The following PLCL2 variants were observed in gnomAD, a reference collection of about 807,000 sequenced individuals.
PLCL2 encodes inactive phospholipase C-like protein 2.
A neutral mutation model predicts 79.6 loss-of-function variants in PLCL2; 4 were observed. The ratio of observed to expected loss-of-function variants is 0.05; its 90% CI spans 0.02 to 0.11. PLCL2 has a LOEUF of 0.11. Among genes scored for constraint, PLCL2 ranks in the 10% least tolerant of loss-of-function variants. The probability of loss-of-function intolerance (pLI) is 1.00; values close to 1 mark genes in which losing one functional copy is unlikely to be tolerated. For missense variants in PLCL2, 895 were observed against 1,291.0 expected, an observed-to-expected ratio of 0.69 and a Z score of 4.70; for synonymous variants, 484 against 457.7, an observed-to-expected ratio of 1.06 and a Z score of -0.73.
At chr3:16,957,999 C>G (rs2063722660) in intron 1 of PLCL2, among the ~76,000 whole-genome samples, 1 of 152,096 alleles carries the variant, frequency 6.6e-6, no homozygotes, top group African/African-American at 2.4e-5. Flanking sequence ...CAGTCTGTGT[C>G]TTTTAATTGG....
chr3:16,934,150 GA>G (rs1374335227), intron 1 of PLCL2, among the ~76,000 whole-genome samples: 2 of 152,166 alleles, frequency 1.3e-5, no homozygotes, highest in African/African-American at 4.8e-5. Context: ...TGTGTTCTCT[GA>G]AAAGGTCATG....
intron 3 of PLCL2, among the ~76,000 whole-genome samples, chr3:17,029,984 T>C (rs2064563537): frequency 6.6e-6 from 1 of 152,192 alleles, no homozygotes; most frequent in South Asian, 2.1e-4. Flanking sequence ...TATGTATGCA[T>C]GGAGTGTGAA....
chr3:17,065,582 A>G (rs1469030395), intron 4 of PLCL2, among the ~76,000 whole-genome samples: 2 of 152,256 alleles, frequency 1.3e-5, no homozygotes, highest in Admixed American at 6.5e-5. Flanking sequence ...GCAAGGCACC[A>G]TAAACAGTCT....
At chr3:17,017,083 T>G (rs1290921909) in intron 3 of PLCL2, among the ~76,000 whole-genome samples, 2 of 152,228 alleles carry the variant, frequency 1.3e-5, no homozygotes, top group Non-Finnish European at 2.9e-5. Flanking sequence ...GCAACCTTTA[T>G]GGCACTCATA....
intron 4 of PLCL2, among the ~76,000 whole-genome samples, chr3:17,061,446 G>T (rs1036287860): frequency 6.6e-6 from 1 of 152,000 alleles, no homozygotes; most frequent in African/African-American, 2.4e-5. Context: ...ATTTAATTAT[G>T]CCATCTTGAA....
intron 1 of PLCL2, among the ~76,000 whole-genome samples, chr3:16,965,593 T>A (rs1473966243): frequency 6.6e-6 from 1 of 151,968 alleles, no homozygotes; most frequent in Non-Finnish European, 1.5e-5. Context: ...TGGCATTGAA[T>A]CTATAAATTA....
At chr3:17,041,936 G>A (rs926395443) in intron 3 of PLCL2, among the ~76,000 whole-genome samples, 4 of 151,932 alleles carry the variant, frequency 2.6e-5, no homozygotes, top group Admixed American at 6.6e-5. Context: ...AGAACAGACC[G>A]TGTCTCTTAA....
intron 1 of PLCL2, among the ~76,000 whole-genome samples, chr3:16,977,509 T>C (rs145689580): frequency 6.6e-6 from 1 of 152,312 alleles, no homozygotes; most frequent in Non-Finnish European, 1.5e-5. Context: ...ATGGAGGAGC[T>C]CAGGTCCCCC....
intron 1 of PLCL2, among the ~76,000 whole-genome samples, chr3:16,929,350 A>G (rs1283840633): frequency 6.6e-6 from 1 of 152,164 alleles, no homozygotes; most frequent in African/African-American, 2.4e-5. Context: ...TAATGACAAC[A>G]TATTTTTAAA....
intron 5 of PLCL2, chr3:17,081,131 G>A (rs1218742320): frequency 2.2e-6 from 1 of 456,018 alleles, no homozygotes; most frequent in African/African-American, 2.0e-5. Context: ...TGTGGAGCAG[G>A]TGGTATCAGT....
At chr3:16,946,953 C>CTTTTTT (rs1056023349) in intron 1 of PLCL2, among the ~76,000 whole-genome samples, 17,124 of 94,582 alleles carry the variant, frequency 0.18, 2,621 homozygotes, top group Non-Finnish European at 0.2. Context: ...AAGTTTCATT[C>CTTTTTT]TTTTTTTTTT....
At chr3:17,049,610 ATTAAC>A (rs761246700) in intron 4 of PLCL2, among the ~76,000 whole-genome samples, 4 of 152,200 alleles carry the variant, frequency 2.6e-5, no homozygotes, top group East Asian at 1.9e-4. Context: ...ATACCTAGGA[ATTAAC>A]TTAAAGAAGT....
At chr3:17,069,981 T>C (rs1420952137) in intron 5 of PLCL2, among the ~76,000 whole-genome samples, 4 of 152,238 alleles carry the variant, frequency 2.6e-5, no homozygotes, top group Non-Finnish European at 5.9e-5. Context: ...GGGGGTACAC[T>C]ATAAATTTCC....
At chr3:17,027,752 T>C (rs1575594021) in intron 3 of PLCL2, among the ~76,000 whole-genome samples, 1 of 152,310 alleles carries the variant, frequency 6.6e-6, no homozygotes, top group Non-Finnish European at 1.5e-5. Flanking sequence ...GAGGAGACTG[T>C]TATCGTTGCC....
At chr3:16,990,115 G>T (rs6765761) in intron 1 of PLCL2, among the ~76,000 whole-genome samples, 1 of 139,336 alleles carries the variant, frequency 7.2e-6, no homozygotes, top group Admixed American at 7.2e-5. Flanking sequence ...TGAGGATGAC[G>T]ATGACGATGA....
At chr3:16,983,390 C>T (rs1049602364) in intron 1 of PLCL2, among the ~76,000 whole-genome samples, 3 of 152,150 alleles carry the variant, frequency 2.0e-5, no homozygotes, top group African/African-American at 4.8e-5. Flanking sequence ...GAACTTGGGC[C>T]GGGCATGGTG....
chr3:17,088,791 C>G (rs746718074), intron 5 of PLCL2, among the ~76,000 whole-genome samples: 30 of 152,252 alleles, frequency 2.0e-4, no homozygotes, highest in South Asian at 4.2e-4. Context: ...ATGTCAAGAG[C>G]AAAGAGGGTG....
At chr3:16,894,244 C>A (rs1696418393) in intron 1 of PLCL2, among the ~76,000 whole-genome samples, 1 of 151,924 alleles carries the variant, frequency 6.6e-6, no homozygotes, top group Non-Finnish European at 1.5e-5. Context: ...TCTATCAATC[C>A]ATGCTAATAT....
intron 1 of PLCL2, among the ~76,000 whole-genome samples, chr3:16,956,556 G>A (rs1420749242): frequency 2.0e-5 from 3 of 152,170 alleles, no homozygotes; most frequent in African/African-American, 4.8e-5. Context: ...AATGAGTTAG[G>A]CAGGATTCCC....
Sources: gnomAD v4.1 joint callset for allele counts (sites outside exome capture counted in the v4.1 genomes callset) on GRCh38, gnomAD v4.1.1 for gene constraint, MANE v1.5 for transcripts, NCBI Gene and HGNC (gene_info 2026-07-23, HGNC 2026-07-21) for gene names.